Variants in UPP2 observed in about 807,000 individuals in gnomAD.
The protein encoded by UPP2 is UPase 2.
UPP2 carries 23 observed loss-of-function variants against 26.7 expected under a neutral mutation model. The observed-to-expected ratio is 0.86, with a 90% CI of 0.62 to 1.22. The LOEUF is 1.22. Among genes scored for constraint, UPP2 ranks in the 50% most tolerant of loss-of-function variants. The pLI is 0.00. For synonymous variants in UPP2, 127 were observed against 141.3 expected (o/e 0.90, Z 0.72); for missense variants, 387 against 396.7 (o/e 0.98, Z 0.21).
chr2:158,012,836 A>T (rs926488068), intron 2 of UPP2, among the ~76,000 whole-genome samples: 1 of 152,186 alleles, frequency 6.6e-6, no homozygotes, highest in Non-Finnish European at 1.5e-5. Flanking sequence ...AAACAAAACA[A>T]TAATTACAAA....
At chr2:158,117,994 C>A in intron 4 of UPP2, 56 bp downstream of exon 4, 1 of 1,429,040 alleles carries the variant, frequency 7.0e-7, no homozygotes, top group Non-Finnish European at 9.8e-7. Context: ...TACATGGTAG[C>A]TGCCAAAATA....
chr2:158,066,772 C>T (rs1682442545), intron 3 of UPP2, among the ~76,000 whole-genome samples: 1 of 151,734 alleles, frequency 6.6e-6, no homozygotes, highest in African/African-American at 2.4e-5. Flanking sequence ...GACAGAAAGG[C>T]CTTACAGTTC....
intron 3 of UPP2, among the ~76,000 whole-genome samples, chr2:158,024,616 A>T (rs1309370181): frequency 1.3e-5 from 2 of 152,208 alleles, no homozygotes; most frequent in Admixed American, 6.5e-5. Context: ...AGGATGCAAG[A>T]AGAAATGGCT....
chr2:158,119,993 A>G (rs191668359), intron 4 of UPP2, among the ~76,000 whole-genome samples: 6 of 150,718 alleles, frequency 4.0e-5, no homozygotes, highest in Middle Eastern at 3.4e-3. Flanking sequence ...CCTGGGTGAC[A>G]GAGCAAGACC....
At chr2:158,127,337 TATTG>T (rs1683714916) in intron 6 of UPP2, among the ~76,000 whole-genome samples, 1 of 152,346 alleles carries the variant, frequency 6.6e-6, no homozygotes, top group East Asian at 1.9e-4. Context: ...TAAAGGCATA[TATTG>T]ATTATTTCTC....
chr2:158,046,896 A>G (rs1684163643), intron 3 of UPP2, among the ~76,000 whole-genome samples: 10 of 152,172 alleles, frequency 6.6e-5, no homozygotes, highest in Admixed American at 6.5e-4. Context: ...ATAACTACTC[A>G]GATATTATAG....
intron 4 of UPP2, among the ~76,000 whole-genome samples, chr2:158,119,451 C>A (rs970738578): frequency 6.6e-6 from 1 of 151,926 alleles, no homozygotes; most frequent in East Asian, 1.9e-4. Context: ...AGCAGTATTG[C>A]GTTTGGAGAT....
At chr2:158,029,779 C>G (rs949721639) in intron 3 of UPP2, among the ~76,000 whole-genome samples, 1 of 149,600 alleles carries the variant, frequency 6.7e-6, no homozygotes, top group African/African-American at 2.5e-5. Context: ...TTCTCATATT[C>G]TAGGTCATCT....
Position 158,121,604 on chromosome 2 carries a change from A to C in UPP2, c.650A>C (p.Tyr217Ser), listed in dbSNP as rs1200886548. 4 of 1,612,646 alleles carry C rather than the reference A, an allele frequency of 2.5e-6. No homozygotes were observed. In the South Asian group the frequency reaches 4.4e-5, roughly 18 times the overall value. Reference sequence around the variant, plus strand: ...CTCGTTGGACATACAATGTGTACCTATGATTTTTATGAAGGTGAGAACAAT... The same window carrying C: ...CTCGTTGGACATACAATGTGTACCTCTGATTTTTATGAAGGTGAGAACAAT... ...PTLVGHTMCT[Y>S]DFYEGQGRLD... is the part of the protein sequence containing the mutation. The change falls in exon 5 of 7, where the codon TAT becomes TCT. Residue 217 changes from tyrosine (Y) to serine (S), a missense_variant. By Grantham distance (144) the Tyr-to-Ser change is moderately radical (BLOSUM62 -2). Transcript: ENST00000005756.
chr2:158,100,333 A>C (rs527997012), upstream of UPP2, among the ~76,000 whole-genome samples: 1 of 152,208 alleles, frequency 6.6e-6, no homozygotes, highest in African/African-American at 2.4e-5. Flanking sequence ...CTGAATCTGC[A>C]CCGGAAACAG....
At chr2:158,045,676 G>A (rs750674534) in intron 3 of UPP2, among the ~76,000 whole-genome samples, 47 of 152,290 alleles carry the variant, frequency 3.1e-4, no homozygotes, top group Non-Finnish European at 5.7e-4. Flanking sequence ...ATTCAATGTA[G>A]AGGAAACAGA....
chr2:158,087,796 G>T (rs1229106973), intron 3 of UPP2, among the ~76,000 whole-genome samples: 3 of 152,054 alleles, frequency 2.0e-5, no homozygotes, highest in African/African-American at 7.2e-5. Flanking sequence ...TAATTGTTTT[G>T]TTTAAGGAGA....
chr2:158,022,035 G>GT (rs577280511), intron 3 of UPP2, among the ~76,000 whole-genome samples: 4,540 of 141,510 alleles, frequency 0.032, 166 homozygotes, highest in African/African-American at 0.094. Context: ...AAAGTCAGCA[G>GT]TTTTTTTTTT....
chr2:158,087,712 T>C (rs961194645), intron 3 of UPP2, among the ~76,000 whole-genome samples: 5 of 152,164 alleles, frequency 3.3e-5, no homozygotes, highest in African/African-American at 1.2e-4. Context: ...CTCTCAGCCT[T>C]TGTTTGCCTG....
In UPP2 at chr2:158,123,779, C is replaced by G. The variant is rs1207491397; in HGVS notation, c.695C>G (p.Ser232Cys). Residue 232 changes from serine to cysteine, a missense_variant, in exon 6 of 7, where the codon TCC (serine) becomes TGC (cysteine). Physicochemically the swap from Ser to Cys is moderately radical, Grantham distance 112. Transcript: ENST00000005756. Reference protein sequence around the residue: ...GQGRLDGALCSFSREKKLDYL... With the variant: ...GQGRLDGALCCFSREKKLDYL... ...GGCCGACTAGATGGAGCACTGTGCT[C>G]CTTTTCCAGAGAAAAAAAGTTAGAC... The G allele has an allele frequency of 2.5e-6, 4 of 1,614,044 alleles. No individual in the cohort carries two copies. The highest frequency in any genetic ancestry group is 1.3e-5 in the African/African-American group (1 of 75,054).
chr2:158,032,246 T>C (rs1683932088), intron 3 of UPP2, among the ~76,000 whole-genome samples: 1 of 152,114 alleles, frequency 6.6e-6, no homozygotes, highest in Non-Finnish European at 1.5e-5. Flanking sequence ...TATTCAATAT[T>C]GGAGTGGGTC....
chr2:158,071,110 T>C (rs945504546), intron 3 of UPP2, among the ~76,000 whole-genome samples: 4 of 152,144 alleles, frequency 2.6e-5, no homozygotes, highest in Admixed American at 6.5e-5. Context: ...GGGACACAAA[T>C]ACTGCATTTC....
At chr2:158,093,993 T>C (rs1240138686) in intron 3 of UPP2, among the ~76,000 whole-genome samples, 2 of 150,080 alleles carry the variant, frequency 1.3e-5, no homozygotes, top group African/African-American at 4.9e-5. Flanking sequence ...CCATATATTA[T>C]ATATACATAT....
At chr2:158,096,407 T>C (rs911454536) in intron 3 of UPP2, among the ~76,000 whole-genome samples, 1 of 152,200 alleles carries the variant, frequency 6.6e-6, no homozygotes, top group Admixed American at 6.5e-5. Context: ...GAGACCAGCC[T>C]GGCCAACATG....
Sources: gnomAD v4.1 joint callset for allele counts (sites outside exome capture counted in the v4.1 genomes callset) on GRCh38, gnomAD v4.1.1 for gene constraint, MANE v1.5 for transcripts, NCBI Gene and HGNC (gene_info 2026-07-23, HGNC 2026-07-21) for gene names.